Variants in RPS19 observed in about 807,000 individuals in gnomAD.
RPS19 encodes ribosomal protein S19.
RPS19 carries 1 observed loss-of-function variant against 20.3 expected under a neutral mutation model. The ratio of observed to expected loss-of-function variants is 0.05; its 90% confidence interval spans 0.02 to 0.23. RPS19 has a LOEUF of 0.23. RPS19 is among the 10% of genes least tolerant of loss of function. The pLI, the probability that RPS19 is intolerant of heterozygous loss-of-function variation, is 1.00. For missense variants in RPS19, 111 were observed against 192.7 expected (o/e 0.58, Z 2.51); for synonymous variants, 87 against 74.8 (o/e 1.16, Z -0.84).
In RPS19 at chr19:41,860,315, G is replaced by T. The variant is rs74449035; in HGVS notation, c.-1+26G>T. 659 of 154,150 alleles carry T rather than the reference G, an allele frequency of 4.3e-3. 2 individuals carry two copies. Among genetic ancestry groups the T allele is most frequent in the Middle Eastern group, 0.013 (4 of 298 alleles). The allele number at this position is 154,150 out of a possible 1,614,324, so 9.5% of individuals were successfully genotyped here. ...GTAAGCGGGGGCTCCGAGCTGGACC[G>T]GGCGCGAGGCGGCAGGGCCGGACGC... On this transcript the variant is annotated intron_variant, in intron 1 of 5. Coordinates refer to ENST00000598742, the MANE Select transcript of RPS19 (RefSeq NM_001022.4).
In RPS19 at chr19:41,860,826, C is replaced by T. The variant is rs138366744; in HGVS notation, c.52C>T (p.Leu18=). 21 of 1,613,734 alleles carry T rather than the reference C, an allele frequency of 1.3e-5. No individual in the cohort carries two copies. Among genetic ancestry groups the T allele is most frequent in the Middle Eastern group, 3.3e-4 (2 of 5,976 alleles). Reference sequence around the variant, plus strand: ...GAACCAGCAGGAGTTCGTCAGAGCTCTGGCAGCCTTCCTCAAAAAGTGAGT... The same window carrying T: ...GAACCAGCAGGAGTTCGTCAGAGCTTTGGCAGCCTTCCTCAAAAAGTGAGT... ...DVNQQEFVRA[L]AAFLKKSGKL... The change falls in exon 2 of 6, where the codon CTG becomes TTG. Residue 18 remains leucine (L), a synonymous_variant. Coordinates refer to ENST00000598742, the MANE Select transcript of RPS19 (RefSeq NM_001022.4).
Position 41,860,262 on chromosome 19 carries a change from C to A in RPS19, c.-28C>A, listed in dbSNP as rs543224166. 5 of 153,122 alleles carry A rather than the reference C, an allele frequency of 3.3e-5. No homozygotes were observed. The highest frequency in any genetic ancestry group is 1.2e-4 in the African/African-American group (5 of 41,494). The allele number at this position is 153,122 out of a possible 1,614,324, so 9.5% of individuals were successfully genotyped here. A position where few individuals can be genotyped will look rare whatever the true frequency, so the allele number is the denominator to read the frequency against. ...CCGGGAAACCCCGTCGTTCCCTTTC[C>A]CCTGGCTGGCAGCGCGGAGGCCGCA... On this transcript the variant is annotated 5_prime_UTR_variant, in exon 1 of 6. Transcript: ENST00000598742.
intron 3 of RPS19, among the ~76,000 whole-genome samples, chr19:41,866,452 C>A (rs142848289): frequency 2.7e-3 from 405 of 152,244 alleles, no homozygotes; most frequent in Non-Finnish European, 3.5e-3. Flanking sequence ...CACTCTCTGG[C>A]AGGATTGTGG....
intron 3 of RPS19, among the ~76,000 whole-genome samples, chr19:41,868,824 T>A (rs563313612): frequency 6.9e-6 from 1 of 145,640 alleles, no homozygotes; most frequent in African/African-American, 2.5e-5. Context: ...ATGGTGGGAG[T>A]GCCCACCCAG....
chr19:41,861,272 A>G (rs1555839225), intron 3 of RPS19, 60 bp downstream of exon 3: 3 of 1,232,240 alleles, frequency 2.4e-6, no homozygotes, highest in Admixed American at 3.4e-5. Flanking sequence ...GGCACAAACC[A>G]TACTTCCCTG....
chr19:41,861,436 CA>C (rs2074031262), intron 3 of RPS19: 2 of 571,956 alleles, frequency 3.5e-6, no homozygotes, highest in Non-Finnish European at 6.3e-6. Flanking sequence ...CTTTGAGCCT[CA>C]GGGGAAACCA....
intron 3 of RPS19, among the ~76,000 whole-genome samples, chr19:41,863,157 A>G (rs1232524454): frequency 2.6e-5 from 4 of 152,186 alleles, no homozygotes; most frequent in Non-Finnish European, 5.9e-5. Flanking sequence ...AGCTGGGACT[A>G]CAGGTGCCTA....
intron 2 of RPS19, 116 bp from the exon 3 acceptor site, chr19:41,860,996 C>T (rs1423523538): frequency 1.8e-6 from 2 of 1,113,082 alleles, no homozygotes; most frequent in Non-Finnish European, 2.7e-6. Flanking sequence ...TGTTCCGGTT[C>T]CAGCCTCTCT....
chr19:41,871,784 A>G lies in RPS19; in HGVS notation c.*407A>G, dbSNP rs1036585160. ...CACTCCCCCACATCCTGTCTTTGCA[A>G]TTGTCAGAAAGTGAGAAACGAAAGG... On this transcript the variant is annotated 3_prime_UTR_variant, in exon 6 of 6. Transcript: ENST00000598742. 1.3e-5 allele frequency: 3 copies of G among 233,176 alleles called. No homozygotes were observed. In the Admixed American group the frequency reaches 1.6e-4, roughly 12 times the overall value. 14.4% of individuals were successfully genotyped at this position (233,176 alleles called of 1,614,324 possible).
Position 41,865,037 on chromosome 19 carries a change from A to G in RPS19, c.172+3825A>G, listed in dbSNP as rs1302979967. 5 of 152,338 alleles carry G rather than the reference A, an allele frequency of 3.3e-5. No homozygotes were observed. In the East Asian group the frequency reaches 9.6e-4, roughly 29 times the overall value. 9.4% of individuals were successfully genotyped at this position (152,338 alleles called of 1,614,324 possible). The stretch of plus-strand genomic sequence containing the variant: ...TGGGATAGCAAGGGAGGAGCTTGTA[A>G]TATCTGACCAAGGTTCTCCATGCCA... On this transcript the variant is annotated intron_variant, in intron 3 of 5. Coordinates refer to ENST00000598742, the MANE Select transcript of RPS19 (RefSeq NM_001022.4).
chr19:41,868,322 T>C (rs2074110016), intron 3 of RPS19, among the ~76,000 whole-genome samples: 1 of 152,106 alleles, frequency 6.6e-6, no homozygotes, highest in Non-Finnish European at 1.5e-5. Flanking sequence ...AGTTTCACTC[T>C]TTAAAGGAGA....
rs113083530 is a variant in RPS19 at position 41,871,410 on chromosome 19, T to C, written c.*33T>C. On this transcript the variant is annotated 3_prime_UTR_variant, in exon 6 of 6. Transcript: ENST00000598742. ...CATGCTGGGTTAATAAATTGCCTCA[T>C]TCGTAATCCTGGTCTGGGTCTCTTT... 3 of 1,603,024 alleles carry C rather than the reference T, an allele frequency of 1.9e-6. No individual in the cohort carries two copies. Among genetic ancestry groups the C allele is most frequent in the African/African-American group, 2.7e-5 (2 of 74,656 alleles).
At chr19:41,861,305 C>T (rs1021839052) in intron 3 of RPS19, 93 bp downstream of exon 3, 26 of 908,052 alleles carry the variant, frequency 2.9e-5, no homozygotes, top group Non-Finnish European at 4.7e-5. Context: ...TCTTTCCCGC[C>T]CCAAGAGGGA....
At chr19:41,867,523 G>A (rs1555840963) in intron 3 of RPS19, among the ~76,000 whole-genome samples, 2 of 152,184 alleles carry the variant, frequency 1.3e-5, no homozygotes, top group East Asian at 1.9e-4. Flanking sequence ...TGTTGGCCAG[G>A]CTGGTCTCAA....
Position 41,871,714 on chromosome 19 carries a change from G to A in RPS19, c.*337G>A. ...CAGTCGGGCCTTCCCAGGTCAAACA[G>A]TTCCCATCTGGGTTTGGAGGAAGGA... On this transcript the variant is annotated 3_prime_UTR_variant, in exon 6 of 6. Coordinates refer to ENST00000598742, the MANE Select transcript of RPS19 (RefSeq NM_001022.4). 2.9e-6 allele frequency: 1 copy of A among 344,812 alleles called. No individual in the cohort carries two copies. Among genetic ancestry groups the A allele is most frequent in the Non-Finnish European group, 5.5e-6 (1 of 181,868 alleles). 21.4% of individuals were successfully genotyped at this position (344,812 alleles called of 1,614,324 possible).
chr19:41,861,883 A>G (rs1175854051), intron 3 of RPS19, among the ~76,000 whole-genome samples: 1 of 152,178 alleles, frequency 6.6e-6, no homozygotes, highest in East Asian at 1.9e-4. Flanking sequence ...TCAATCTTCC[A>G]ATAATAATTT....
At chr19:41,866,282 A>G (rs1462343608) in intron 3 of RPS19, among the ~76,000 whole-genome samples, 1 of 152,154 alleles carries the variant, frequency 6.6e-6, no homozygotes, top group Non-Finnish European at 1.5e-5. Context: ...ATAACAGGAA[A>G]AGCTATTCTG....
chr19:41,870,289 A>G (rs906327330), intron 5 of RPS19, among the ~76,000 whole-genome samples: 5 of 151,604 alleles, frequency 3.3e-5, no homozygotes, highest in Admixed American at 1.3e-4. Context: ...GCCACTGGGC[A>G]TCTATCCACA....
At chr19:41,865,688 C>T (rs1220202330) in intron 3 of RPS19, among the ~76,000 whole-genome samples, 2 of 152,124 alleles carry the variant, frequency 1.3e-5, no homozygotes, top group Non-Finnish European at 2.9e-5. Context: ...GTGGCTCACA[C>T]CTGTAATCCC....
Sources: gnomAD v4.1 joint callset for allele counts (sites outside exome capture counted in the v4.1 genomes callset) on GRCh38, gnomAD v4.1.1 for gene constraint, MANE v1.5 for transcripts, NCBI Gene and HGNC (gene_info 2026-07-23, HGNC 2026-07-21) for gene names.